Variants in NRXN3 observed in about 807,000 individuals in gnomAD.
NRXN3 encodes neurexin 3.
In NRXN3, 32 loss-of-function variants were observed where a neutral mutation model predicts 137.6. The ratio of observed to expected loss-of-function variants is 0.23; its 90% CI spans 0.18 to 0.31. The LOEUF (loss-of-function observed/expected upper bound fraction) is 0.31. NRXN3 is among the 10% of genes least tolerant of loss of function. NRXN3 has a pLI of 1.00. For missense variants in NRXN3, 1,574 were observed against 2,062.5 expected, an observed-to-expected ratio of 0.76 and a Z score of 4.59; for synonymous variants, 798 against 784.5, an observed-to-expected ratio of 1.02 and a Z score of -0.29.
chr14:79,706,200 G>A (rs1314730617), intron 19 of NRXN3, among the ~76,000 whole-genome samples: 2 of 152,120 alleles, frequency 1.3e-5, no homozygotes, highest in African/African-American at 4.8e-5. Flanking sequence ...ATTTTTGTTA[G>A]CTTCCAGTCT....
intron 10 of NRXN3, among the ~76,000 whole-genome samples, chr14:78,948,349 C>CT (rs1430765319): frequency 6.6e-6 from 1 of 152,182 alleles, no homozygotes; most frequent in East Asian, 1.9e-4. Flanking sequence ...ATATTTACCC[C>CT]TAGGGTATTC....
Position 78,997,086 on chromosome 14 carries a change from C to T in NRXN3, c.3262+8945C>T, listed in dbSNP as rs377481968. Among the ~76,000 whole-genome samples the T allele has an allele frequency of 1.7e-4, 26 of 152,186 alleles. No homozygotes were observed. The South Asian group carries it at 2.9e-3, about 17-fold the overall frequency. On this transcript the variant is annotated intron_variant, in intron 15 of 20. Transcript: ENST00000335750. ...TATTAATATGTGTGCAATACTAAAC[C>T]GATTCAGCAAGAGCCAGGACTGCGT...
At chr14:78,399,466 A>G (rs1047832728) in intron 4 of NRXN3, among the ~76,000 whole-genome samples, 1 of 152,212 alleles carries the variant, frequency 6.6e-6, no homozygotes, top group Non-Finnish European at 1.5e-5. Flanking sequence ...GTATAGGCTC[A>G]TTTTGGAAAT....
At chr14:78,297,760 C>CT in intron 3 of NRXN3, 71 bp from the exon 4 acceptor site, 1 of 1,182,864 alleles carries the variant, frequency 8.5e-7, no homozygotes, top group South Asian at 1.3e-5. Context: ...GGGATTTTAA[C>CT]TTTGTCTTCT....
intron 16 of NRXN3, among the ~76,000 whole-genome samples, chr14:79,481,338 G>T (rs1244648579): frequency 1.3e-5 from 2 of 151,986 alleles, no homozygotes; most frequent in Non-Finnish European, 2.9e-5. Flanking sequence ...ATATGCTCAC[G>T]AGTCACTTAA....
chr14:79,553,597 T>G (rs952225344), intron 16 of NRXN3, among the ~76,000 whole-genome samples: 3 of 152,116 alleles, frequency 2.0e-5, no homozygotes, highest in Non-Finnish European at 4.4e-5. Context: ...TTGACTGACA[T>G]TTGAGAGTTA....
intron 17 of NRXN3, among the ~76,000 whole-genome samples, chr14:79,686,349 G>A (rs1470164533): frequency 1.3e-4 from 20 of 152,110 alleles, no homozygotes. Context: ...ACTGAAAAAG[G>A]TTTTGGAAGG....
chr14:79,325,049 T>C (rs1480210282), intron 15 of NRXN3, among the ~76,000 whole-genome samples: 1 of 152,206 alleles, frequency 6.6e-6, no homozygotes, highest in African/African-American at 2.4e-5. Context: ...TATACATTTA[T>C]CTCTTGGCTA....
At chr14:79,850,075 A>G (rs1214862152) in intron 20 of NRXN3, among the ~76,000 whole-genome samples, 1 of 152,192 alleles carries the variant, frequency 6.6e-6, no homozygotes, top group African/African-American at 2.4e-5. Context: ...AATCAAATCT[A>G]TGAAAATGTT....
intron 8 of NRXN3, among the ~76,000 whole-genome samples, chr14:78,734,021 G>C (rs2098529245): frequency 2.0e-5 from 3 of 152,120 alleles, no homozygotes; most frequent in Admixed American, 6.6e-5. Flanking sequence ...TGGCAGAGGA[G>C]GGGGAAAGAG....
chr14:78,816,019 A>G (rs904545388), intron 10 of NRXN3, among the ~76,000 whole-genome samples: 1 of 152,186 alleles, frequency 6.6e-6, no homozygotes, highest in African/African-American at 2.4e-5. Context: ...TTCTATCTTC[A>G]TAACGCATAT....
At chr14:78,395,512 G>A (rs939566309) in intron 4 of NRXN3, among the ~76,000 whole-genome samples, 3 of 151,768 alleles carry the variant, frequency 2.0e-5, no homozygotes, top group Non-Finnish European at 4.4e-5. Context: ...TTTGATAAAT[G>A]CCAATTATTA....
At chr14:79,660,409 C>A (rs1001215076) in intron 16 of NRXN3, among the ~76,000 whole-genome samples, 1 of 152,092 alleles carries the variant, frequency 6.6e-6, no homozygotes, top group Non-Finnish European at 1.5e-5. Context: ...AAATGAAACA[C>A]CTGGGAAAGG....
chr14:79,319,746 A>G (rs1264691663), intron 15 of NRXN3, among the ~76,000 whole-genome samples: 2 of 152,168 alleles, frequency 1.3e-5, no homozygotes, highest in African/African-American at 2.4e-5. Context: ...GCTCAGAATT[A>G]TAGTCATGGC....
At chr14:79,004,370 C>T (rs1049494258) in intron 15 of NRXN3, among the ~76,000 whole-genome samples, 1 of 152,110 alleles carries the variant, frequency 6.6e-6, no homozygotes, top group African/African-American at 2.4e-5. Context: ...CTCAGCCTCC[C>T]GAGTAGCTGG....
At chr14:78,978,565 A>G (rs993780369) in intron 14 of NRXN3, among the ~76,000 whole-genome samples, 2 of 151,994 alleles carry the variant, frequency 1.3e-5, no homozygotes, top group African/African-American at 2.4e-5. Context: ...ATACTCTGAA[A>G]GCTATGGAAG....
intron 16 of NRXN3, among the ~76,000 whole-genome samples, chr14:79,523,485 G>A (rs1257887959): frequency 6.6e-6 from 1 of 152,164 alleles, no homozygotes; most frequent in Non-Finnish European, 1.5e-5. Context: ...AAAAAAATCT[G>A]TTCCAATTAC....
intron 15 of NRXN3, among the ~76,000 whole-genome samples, chr14:79,018,293 AAAAGAG>A (rs2099583110): frequency 5.8e-4 from 10 of 17,130 alleles, no homozygotes; most frequent in Admixed American, 1.9e-3. Context: ...AAAAAAAAAA[AAAAGAG>A]AGAGAGCAAG....
At chr14:79,226,814 CTTTTTTTTTTTTTT>C (rs3035642) in intron 15 of NRXN3, among the ~76,000 whole-genome samples, 1 of 98,480 alleles carries the variant, frequency 1.0e-5, no homozygotes, top group Admixed American at 1.0e-4. Flanking sequence ...TCCTTTTTTT[CTTTTTTTTTTTTTT>C]TTTTTGAGAC....
Sources: gnomAD v4.1 joint callset for allele counts (sites outside exome capture counted in the v4.1 genomes callset) on GRCh38, gnomAD v4.1.1 for gene constraint, MANE v1.5 for transcripts, NCBI Gene and HGNC (gene_info 2026-07-23, HGNC 2026-07-21) for gene names.